PIEZO2: variants seen among roughly 807,000 people sequenced by gnomAD.
PIEZO2 encodes piezo-type mechanosensitive ion channel component 2.
Under a neutral mutation model 337.3 loss-of-function variants are expected in PIEZO2, and 172 were observed. The ratio of observed to expected loss-of-function variants is 0.51; its 90% confidence interval spans 0.45 to 0.58. The LOEUF is 0.58. Ranked by LOEUF, PIEZO2 falls within the 20% of genes least tolerant of loss-of-function variation. PIEZO2 has a pLI of 0.00. For synonymous variants in PIEZO2, 1,251 were observed against 1,228.5 expected (o/e 1.02, Z -0.38); for missense variants, 3,028 against 3,391.3 (o/e 0.89, Z 2.66).
At chr18:11,145,524 G>A (rs2040787765) in intron 1 of PIEZO2, among the ~76,000 whole-genome samples, 1 of 152,168 alleles carries the variant, frequency 6.6e-6, no homozygotes, top group Non-Finnish European at 1.5e-5. Context: ...GCTTAGCTTT[G>A]AAGGCTGCCT....
At position 10,766,252 on chromosome 18, in the gene PIEZO2, GA is replaced by G. The variant is rs1282888108; in HGVS notation, c.2947-3155del. ...GAACAGGAGGAGGAGGAGGGATAAG[GA>G]AGAAGAAGAGGAAGGAGAAAAGGGG... On this transcript the variant is annotated intron_variant, in intron 21 of 55. Transcript: ENST00000674853. The surrounding 1 kb of genome is among the most constrained non-coding windows in gnomAD (Gnocchi z 6.1). 1.5e-4 allele frequency among the ~76,000 whole-genome samples: 1 copy of G among 6,472 alleles called. No individual in the cohort carries two copies. The highest frequency in any genetic ancestry group is 3.2e-4 in the Non-Finnish European group (1 of 3,114). 4.2% of individuals were successfully genotyped at this position (6,472 alleles called of 152,430 possible).
In PIEZO2 at chr18:10,809,929, G is replaced by A. The variant is rs149974439; in HGVS notation, c.918-2655C>T. Among the ~76,000 whole-genome samples the A allele has an allele frequency of 3.2e-3, 481 of 152,188 alleles. 3 individuals carry two copies. The highest frequency in any genetic ancestry group is 0.011 in the African/African-American group (464 of 41,518). The stretch of plus-strand genomic sequence containing the variant: ...AATCTCTCCATAGAAATATCTCTTC[G>A]CTTGAGAAGTATACAATGACACAAT... On this transcript the variant is annotated intron_variant, in intron 7 of 55. Coordinates refer to ENST00000674853, the MANE Select transcript of PIEZO2 (RefSeq NM_001378183.1).
chr18:11,062,853 A>G (rs1291507339), intron 2 of PIEZO2, among the ~76,000 whole-genome samples: 3 of 152,162 alleles, frequency 2.0e-5, no homozygotes, highest in Non-Finnish European at 4.4e-5. Flanking sequence ...TCAGTGTGGC[A>G]ATTCCTCAGG....
intron 2 of PIEZO2, among the ~76,000 whole-genome samples, chr18:11,020,532 G>T (rs2145708922): frequency 6.6e-6 from 1 of 152,154 alleles, no homozygotes; most frequent in East Asian, 1.9e-4. Flanking sequence ...TATTTTTCTA[G>T]AAAAATAAAC....
intron 3 of PIEZO2, among the ~76,000 whole-genome samples, chr18:10,915,619 C>T (rs1313304590): frequency 1.3e-5 from 2 of 152,078 alleles, no homozygotes. Flanking sequence ...TGCTAGCTTC[C>T]TATATATTAG....
At chr18:10,735,124 C>T (rs141310654) in intron 35 of PIEZO2, among the ~76,000 whole-genome samples, 108 bp downstream of exon 35, 2 of 152,204 alleles carry the variant, frequency 1.3e-5, no homozygotes, top group African/African-American at 4.8e-5. Flanking sequence ...CTTCATGGTA[C>T]CATCTATAGA....
chr18:10,897,180 G>C (rs545587880), intron 4 of PIEZO2, among the ~76,000 whole-genome samples: 43 of 150,102 alleles, frequency 2.9e-4, no homozygotes, highest in African/African-American at 1.0e-3. Context: ...GTAAGTCTCA[G>C]GAGATCTGAT....
rs1477220744 is a variant in PIEZO2 at position 11,080,313 on chromosome 18, T to C, written c.65-14091A>G. On this transcript the variant is annotated intron_variant, in intron 1 of 55. Transcript: ENST00000674853. The surrounding 1 kb of genome is among the most constrained non-coding windows in gnomAD (Gnocchi z 5.4). ...TAAGGAAAAAGTTGTCTCTTCCACC[T>C]CAGAATACCCATAGCATTTTGGTTT... Among the ~76,000 whole-genome samples, 2 of 152,200 alleles carry C rather than the reference T, an allele frequency of 1.3e-5. No homozygotes were observed. The highest frequency in any genetic ancestry group is 4.8e-5 in the African/African-American group (2 of 41,446).
rs2040624629 is a variant in PIEZO2, at chr18:10,824,957, G to A, written c.918-17683C>T. ...TGGCTCACTGCAACCTCCACTTCCT[G>A]GGTCCAAGTGATTCTCCTGCCTCAG... On this transcript the variant is annotated intron_variant, in intron 7 of 55. Transcript: ENST00000674853. The surrounding 1 kb of genome is among the most constrained non-coding windows in gnomAD (Gnocchi z 4.4). Among the ~76,000 whole-genome samples the A allele has an allele frequency of 6.6e-6, 1 of 152,134 alleles. No individual in the cohort carries two copies. The highest frequency in any genetic ancestry group is 2.4e-5 in the African/African-American group (1 of 41,420).
rs181037742 is a variant in PIEZO2, at chr18:10,918,242, G to C, written c.287-7014C>G. ...GAGGTTCATCATTAATAGATTAAAAGTAATTGTAAAAGAGATAAGACAAAA... is the reference window on the plus strand; with the variant it reads ...GAGGTTCATCATTAATAGATTAAAACTAATTGTAAAAGAGATAAGACAAAA... On this transcript the variant is annotated intron_variant, in intron 3 of 55. Coordinates refer to ENST00000674853, the MANE Select transcript of PIEZO2 (RefSeq NM_001378183.1). Among the ~76,000 whole-genome samples the C allele has an allele frequency of 9.9e-5, 15 of 152,180 alleles. No individual in the cohort carries two copies. The East Asian group carries it at 2.5e-3, about 25-fold the overall frequency.
intron 4 of PIEZO2, among the ~76,000 whole-genome samples, chr18:10,883,096 C>G (rs547388567): frequency 6.6e-6 from 1 of 152,222 alleles, no homozygotes; most frequent in African/African-American, 2.4e-5. Context: ...CTCAGCCTCC[C>G]AAAGAGCTGA....
chr18:10,770,583 TCC>T (rs2038560405), intron 20 of PIEZO2, among the ~76,000 whole-genome samples: 1 of 152,194 alleles, frequency 6.6e-6, no homozygotes, highest in Non-Finnish European at 1.5e-5. Context: ...CTTCCTTCCT[TCC>T]TTCCTTCCAC....
chr18:10,933,352 T>G (rs1392087237), intron 3 of PIEZO2, among the ~76,000 whole-genome samples: 1 of 152,130 alleles, frequency 6.6e-6, no homozygotes, highest in Non-Finnish European at 1.5e-5. Flanking sequence ...TTCATTGGAG[T>G]AATTTTCTTC....
At chr18:10,906,559 T>C (rs2029942041) in intron 4 of PIEZO2, among the ~76,000 whole-genome samples, 1 of 151,924 alleles carries the variant, frequency 6.6e-6, no homozygotes, top group African/African-American at 2.4e-5. Flanking sequence ...ATAGATATTA[T>C]AAGAACTTTT....
intron 3 of PIEZO2, among the ~76,000 whole-genome samples, chr18:10,926,340 T>C (rs933851941): frequency 4.3e-4 from 65 of 152,348 alleles, no homozygotes; most frequent in African/African-American, 1.6e-3. Context: ...TGAATATCAG[T>C]AAATACTACA....
intron 3 of PIEZO2, among the ~76,000 whole-genome samples, chr18:10,921,970 C>A (rs917439593): frequency 1.3e-5 from 2 of 152,122 alleles, no homozygotes; most frequent in African/African-American, 2.4e-5. Context: ...TGCTCTCAAA[C>A]CCTGTCTCCT....
At position 10,767,266 on chromosome 18, in the gene PIEZO2, TTC is replaced by T. The variant is rs1182043386; in HGVS notation, c.2946+2880_2946+2881del. 6.6e-6 allele frequency among the ~76,000 whole-genome samples: 1 copy of T among 152,196 alleles called. No homozygotes were observed. Among genetic ancestry groups the T allele is most frequent in the Admixed American group, 6.5e-5 (1 of 15,286 alleles). ...TAAGATGCTGATGGAAAATAAAGGT[TTC>T]TCTGTTTCTTTTCCAGCAACTTCTT... On this transcript the variant is annotated intron_variant, in intron 21 of 55. Transcript: ENST00000674853. This position sits in a 1 kb window ranked among gnomAD's most constrained non-coding sequence, Gnocchi z 4.2.
chr18:10,934,400 A>C (rs1258436335), intron 3 of PIEZO2, among the ~76,000 whole-genome samples: 1 of 152,192 alleles, frequency 6.6e-6, no homozygotes, highest in Non-Finnish European at 1.5e-5. Context: ...TCAGGTGCAC[A>C]TTCATACTCC....
At chr18:11,022,608 C>T (rs2036352011) in intron 2 of PIEZO2, among the ~76,000 whole-genome samples, 1 of 152,154 alleles carries the variant, frequency 6.6e-6, no homozygotes, top group South Asian at 2.1e-4. Context: ...GATTAGGGCT[C>T]TATGCTTATG....
Sources: gnomAD v4.1 joint callset for allele counts (sites outside exome capture counted in the v4.1 genomes callset) on GRCh38, gnomAD v4.1.1 for gene constraint, Gnocchi (gnomAD v3.1) non-coding constraint, MANE v1.5 for transcripts, NCBI Gene and HGNC (gene_info 2026-07-23, HGNC 2026-07-21) for gene names.